PCDH10: variants seen among roughly 807,000 people sequenced by gnomAD.
PCDH10 encodes protocadherin 10.
A neutral mutation model predicts 74.4 loss-of-function variants in PCDH10; 15 were observed. That is an observed-to-expected ratio of 0.20 (90% CI 0.13 to 0.31). The LOEUF (loss-of-function observed/expected upper bound fraction) is 0.31. PCDH10 is among the 10% of genes least tolerant of loss of function. PCDH10 has a pLI of 1.00. For missense variants in PCDH10, 1,260 were observed against 1,390.2 expected, an observed-to-expected ratio of 0.91 and a Z score of 1.49; for synonymous variants, 619 against 589.8, an observed-to-expected ratio of 1.05 and a Z score of -0.72.
In PCDH10 at chr4:133,151,955, C is replaced by T. The variant is rs762264228; in HGVS notation, c.1815C>T (p.Ala605=). 6.2e-7 allele frequency: 1 copy of T among 1,612,434 alleles called. No homozygotes were observed. ...EPGYLLTRVA[A]VDADDGENAR... is the part of the protein sequence containing the mutation. ...GTTACCTGCTCACCCGCGTGGCCGC[C>T]GTGGACGCGGACGACGGCGAGAACG... is the stretch of plus-strand genomic sequence containing the variant. The change falls in exon 1 of 5, where the codon GCC becomes GCT. Residue 605 remains alanine (A), a synonymous_variant. Transcript: ENST00000264360.
intron 2 of PCDH10, among the ~76,000 whole-genome samples, chr4:133,201,323 C>T (rs779794462): frequency 6.6e-5 from 10 of 151,974 alleles, no homozygotes; most frequent in Non-Finnish European, 1.3e-4. Flanking sequence ...GTATTCTCAC[C>T]GTAGGATTAT....
chr4:133,151,523 G>A lies in PCDH10; in HGVS notation c.1383G>A (p.Pro461=). 6.2e-7 allele frequency: 1 copy of A among 1,614,088 alleles called. No individual in the cohort carries two copies. Among genetic ancestry groups the A allele is most frequent in the Non-Finnish European group, 8.5e-7 (1 of 1,180,040 alleles). Reference sequence around the variant, plus strand: ...TGTCGGATGTGAACGACAACGCGCCGCGTTTCAGCCAGCCGGTCTACGACG... The same window carrying A: ...TGTCGGATGTGAACGACAACGCGCCACGTTTCAGCCAGCCGGTCTACGACG... The part of the protein sequence containing the change: ...VQVSDVNDNA[P]RFSQPVYDVY... The change falls in exon 1 of 5, where the codon CCG becomes CCA. Residue 461 remains proline (P), a synonymous_variant. Coordinates refer to ENST00000264360, the MANE Select transcript of PCDH10 (RefSeq NM_032961.3).
chr4:133,155,012 C>T lies in PCDH10; in HGVS notation c.2786C>T (p.Ala929Val), dbSNP rs766470755. The T allele has an allele frequency of 6.2e-7, 1 of 1,605,860 alleles. No individual in the cohort carries two copies. Among genetic ancestry groups the T allele is most frequent in the Non-Finnish European group, 8.5e-7 (1 of 1,172,424 alleles). ...GDSDHDATNRAQSAGMDLFSN... is the reference protein window; with the variant it reads ...GDSDHDATNRVQSAGMDLFSN... The stretch of plus-strand genomic sequence containing the variant: ...AGTGATCATGATGCCACCAACCGTG[C>T]CCAGTCAGCTGGTAAGTGTGATCAA... The change falls in exon 3 of 5, where the codon GCC becomes GTC. Residue 929 changes from alanine to valine, a missense_variant. By Grantham distance (64) the Ala-to-Val change is moderately conservative. Coordinates refer to ENST00000264360, the MANE Select transcript of PCDH10 (RefSeq NM_032961.3).
At chr4:133,171,939 C>A (rs1727211498) in intron 4 of PCDH10, among the ~76,000 whole-genome samples, 1 of 150,988 alleles carries the variant, frequency 6.6e-6, no homozygotes, top group South Asian at 2.1e-4. Context: ...TCTTTACTTA[C>A]CTCAATCTTT....
intron 3 of PCDH10, among the ~76,000 whole-genome samples, chr4:133,159,141 A>G (rs933056858): frequency 6.6e-6 from 1 of 152,104 alleles, no homozygotes; most frequent in African/African-American, 2.4e-5. Context: ...GGAAAAAAAT[A>G]AACGCTTTGA....
chr4:133,198,639 A>G (rs898652151), downstream of PCDH10, among the ~76,000 whole-genome samples: 2 of 152,156 alleles, frequency 1.3e-5, no homozygotes, highest in African/African-American at 4.8e-5. Flanking sequence ...TGGTGTACTT[A>G]TAACTTTAGA....
intron 3 of PCDH10, among the ~76,000 whole-genome samples, chr4:133,159,366 T>C (rs184956022): frequency 2.6e-5 from 4 of 152,194 alleles, no homozygotes. Flanking sequence ...TAACAGGCAG[T>C]CTATCACATC....
chr4:133,155,175 C>A, intron 3 of PCDH10, 152 bp downstream of exon 3: 1 of 649,088 alleles, frequency 1.5e-6, no homozygotes, highest in South Asian at 1.8e-5. Context: ...TTGATATTTG[C>A]AGACTTAAAG....
At chr4:133,182,034 T>C (rs903906164) in intron 4 of PCDH10, among the ~76,000 whole-genome samples, 2 of 152,142 alleles carry the variant, frequency 1.3e-5, no homozygotes, top group African/African-American at 4.8e-5. Context: ...ATGAAGGTCT[T>C]ATTATTTGCC....
At chr4:133,176,273 A>G (rs1004615729) in intron 4 of PCDH10, among the ~76,000 whole-genome samples, 3 of 152,110 alleles carry the variant, frequency 2.0e-5, no homozygotes, top group Non-Finnish European at 4.4e-5. Flanking sequence ...CCAGGTTTCA[A>G]CTACTGACCC....
chr4:133,195,433 A>G (rs1009631876), downstream of PCDH10, among the ~76,000 whole-genome samples: 2 of 151,036 alleles, frequency 1.3e-5, no homozygotes, highest in Non-Finnish European at 2.9e-5. Flanking sequence ...GTTAACAGCT[A>G]TGATTACAAG....
chr4:133,167,577 C>A (rs769365097), intron 4 of PCDH10, among the ~76,000 whole-genome samples: 1 of 151,316 alleles, frequency 6.6e-6, no homozygotes, highest in Non-Finnish European at 1.5e-5. Context: ...GCCCATACAC[C>A]GCTAAATGAA....
At position 133,149,992 on chromosome 4, in the gene PCDH10, G is replaced by A. The variant is rs1024235233; in HGVS notation, c.-149G>A. The A allele has an allele frequency of 6.0e-6, 7 of 1,171,296 alleles. No individual in the cohort carries two copies. The Admixed American group carries it at 1.9e-4, about 32-fold the overall frequency. The allele number at this position is 1,171,296 out of a possible 1,614,324, so 72.6% of individuals were successfully genotyped here. A position where few individuals can be genotyped will look rare whatever the true frequency, so the allele number is the denominator to read the frequency against. ...GAAGCTCTAAAATGAAGCAAAAGGA[G>A]TAAGATTTTTAAAGACAGAAAGCCA... On this transcript the variant is annotated 5_prime_UTR_variant, in exon 1 of 5. Transcript: ENST00000264360.
chr4:133,167,674 T>C (rs561631481), intron 4 of PCDH10, among the ~76,000 whole-genome samples: 118 of 151,624 alleles, frequency 7.8e-4, no homozygotes, highest in Non-Finnish European at 1.4e-3. Context: ...CTATGTGTAC[T>C]CTGTTTCTGA....
At position 133,149,305 on chromosome 4, in the gene PCDH10, G is replaced by A. The variant is rs560509940; in HGVS notation, c.-836G>A. 3.9e-5 allele frequency: 6 copies of A among 152,612 alleles called. No homozygotes were observed. Among genetic ancestry groups the A allele is most frequent in the African/African-American group, 1.2e-4 (5 of 41,586 alleles). The allele number at this position is 152,612 out of a possible 1,614,324, so 9.5% of individuals were successfully genotyped here. On this transcript the variant is annotated 5_prime_UTR_variant, in exon 1 of 5. Coordinates refer to ENST00000264360, the MANE Select transcript of PCDH10 (RefSeq NM_032961.3). ...AGCGCTCGGAGCTCAGAAACTGCCA[G>A]CCCAGACCACAGGCTCAGAGGCTGA...
intron 3 of PCDH10, among the ~76,000 whole-genome samples, chr4:133,161,196 T>C (rs142488158): frequency 2.0e-5 from 3 of 152,290 alleles, no homozygotes; most frequent in Non-Finnish European, 4.4e-5. Flanking sequence ...CAGTAATTTA[T>C]TTCCAGACTT....
At chr4:133,176,849 T>C (rs1459791520) in intron 4 of PCDH10, among the ~76,000 whole-genome samples, 1 of 152,138 alleles carries the variant, frequency 6.6e-6, no homozygotes, top group Non-Finnish European at 1.5e-5. Context: ...TACTTGGTTA[T>C]ATACAACAGT....
chr4:133,174,059 G>C (rs1384837572), intron 4 of PCDH10, among the ~76,000 whole-genome samples: 4 of 151,850 alleles, frequency 2.6e-5, no homozygotes, highest in African/African-American at 9.7e-5. Context: ...CTCTTTACTG[G>C]ATTGGCTTGA....
chr4:133,171,225 A>G (rs189682530), intron 4 of PCDH10, among the ~76,000 whole-genome samples: 158 of 152,258 alleles, frequency 1.0e-3, no homozygotes, highest in African/African-American at 3.5e-3. Flanking sequence ...TATATTTTAC[A>G]CAAACTAGAA....
Sources: gnomAD v4.1 joint callset for allele counts (sites outside exome capture counted in the v4.1 genomes callset) on GRCh38, gnomAD v4.1.1 for gene constraint, MANE v1.5 for transcripts, NCBI Gene and HGNC (gene_info 2026-07-23, HGNC 2026-07-21) for gene names.